The following AASDH variants were observed in gnomAD, a reference collection of about 807,000 sequenced individuals.
AASDH encodes the protein aminoadipate-semialdehyde dehydrogenase, also known as beta-alanine-activating enzyme.
AASDH carries 81 observed loss-of-function variants against 102.3 expected under a neutral mutation model. The observed-to-expected ratio is 0.79, with a 90% CI of 0.66 to 0.95. AASDH has a LOEUF of 0.95. Among genes scored for constraint, AASDH ranks in the 40% least tolerant of loss-of-function variants. AASDH has a pLI of 0.00. For missense variants in AASDH, 1,203 were observed against 1,266.2 expected (o/e 0.95, Z 0.76); for synonymous variants, 398 against 454.0 (o/e 0.88, Z 1.57).
intron 5 of AASDH, among the ~76,000 whole-genome samples, chr4:56,362,069 G>C (rs1578010793): frequency 6.6e-6 from 1 of 152,260 alleles, no homozygotes; most frequent in East Asian, 1.9e-4. Flanking sequence ...TTAGGTTTGT[G>C]ATAAACCAAA....
rs762319660 is a variant in AASDH at position 56,349,539 on chromosome 4, C to G, written c.2212G>C (p.Ala738Pro). ...GGTTTCCCCTCTTCAGAAACTTTTG[C>G]AACACAGGATGGATCTTTTGACTTC... ...IGKSKDPSCVAKVSEEGKPAI... is the reference protein window; with the variant it reads ...IGKSKDPSCVPKVSEEGKPAI... Residue 738 changes from alanine to proline, a missense_variant, in exon 11 of 15, where the codon GCA becomes CCA. Physicochemically the swap from Ala to Pro is conservative, Grantham distance 27 (BLOSUM62 -1). Transcript: ENST00000205214. 9 of 1,614,050 alleles carry G rather than the reference C, an allele frequency of 5.6e-6. No individual in the cohort carries two copies. Among genetic ancestry groups the G allele is most frequent in the Non-Finnish European group, 7.6e-6 (9 of 1,180,032 alleles).
chr4:56,340,569 A>G (rs1022384896), intron 14 of AASDH, among the ~76,000 whole-genome samples: 7 of 152,350 alleles, frequency 4.6e-5, no homozygotes, highest in East Asian at 1.9e-4. Context: ...AAAACTAGTT[A>G]AAACTACTAG....
chr4:56,369,061 TC>T (rs768287191), intron 5 of AASDH, among the ~76,000 whole-genome samples: 1 of 152,152 alleles, frequency 6.6e-6, no homozygotes, highest in Non-Finnish European at 1.5e-5. Context: ...CTGATGACAT[TC>T]CCAATAACTA....
Position 56,342,877 on chromosome 4 carries a change from A to G in AASDH, c.2865T>C (p.Cys955=), listed in dbSNP as rs1323982946. 1 of 1,563,340 alleles carries G rather than the reference A, an allele frequency of 6.4e-7. No individual in the cohort carries two copies. The highest frequency in any genetic ancestry group is 8.7e-7 in the Non-Finnish European group (1 of 1,153,566). Reference sequence around the variant, plus strand: ...TAAAGCAGAGTAAATTCCCATCTACACAGCCAATACAAATATACTGTGAGC... The same window carrying G: ...TAAAGCAGAGTAAATTCCCATCTACGCAGCCAATACAAATATACTGTGAGC... ...QCCSQYICIG[C]VDGNLLCFTH... is the part of the protein sequence containing the mutation. Residue 955 remains cysteine, a synonymous_variant, in exon 14 of 15, where the codon TGT becomes TGC. Transcript: ENST00000205214.
chr4:56,385,288 C>G (rs1483568854), intron 1 of AASDH, among the ~76,000 whole-genome samples: 1 of 152,070 alleles, frequency 6.6e-6, no homozygotes, highest in Non-Finnish European at 1.5e-5. Flanking sequence ...AGAAGTCATA[C>G]TTGTATAATT....
rs1400410948 is a variant in AASDH, at chr4:56,349,266, C to G, written c.2485G>C (p.Val829Leu). 1 of 1,613,794 alleles carries G rather than the reference C, an allele frequency of 6.2e-7. No homozygotes were observed. Among genetic ancestry groups the G allele is most frequent in the South Asian group, 1.1e-5 (1 of 90,976 alleles). ...CVSKCGNFIV[V>L]GCYNGLVYVL... ...AACCTCAAATTCAAAAACTTACCCA[C>G]CACAATAAAGTTTCCACACTTAGAT... The change falls in exon 11 of 15, where the codon GTG becomes CTG. Residue 829 changes from valine (V) to leucine (L), a missense_variant. Physicochemically the swap from Val to Leu is conservative, Grantham distance 32. Coordinates refer to ENST00000205214, the MANE Select transcript of AASDH (RefSeq NM_181806.4).
rs776664368 is a variant in AASDH, at chr4:56,351,364, T to C, written c.1670A>G (p.Glu557Gly). The C allele has an allele frequency of 1.9e-6, 3 of 1,588,680 alleles. No individual in the cohort carries two copies. Among genetic ancestry groups the C allele is most frequent in the African/African-American group, 2.7e-5 (2 of 74,052 alleles). ...TACCTTCCACAAATACTGTAATTTT[T>C]CCCAAAGGTCCTCTTTCCCACTGAG... The part of the protein sequence containing the change: ...NKLSGKEDLW[E>G]KLQYLWKSTL... Residue 557 changes from glutamate (E) to glycine (G), a missense_variant, in exon 10 of 15, where the codon GAA becomes GGA. Glu to Gly is a moderately conservative substitution (Grantham distance 98, BLOSUM62 -2). Transcript: ENST00000205214.
intron 4 of AASDH, among the ~76,000 whole-genome samples, chr4:56,377,054 G>A (rs973242034): frequency 3.1e-5 from 4 of 129,878 alleles, no homozygotes; most frequent in Middle Eastern, 4.0e-3. Context: ...GCGACAGAGC[G>A]AGACTCCGTC....
rs541811269 is a variant in AASDH, at chr4:56,349,885, A to T, written c.1866T>A (p.Ile622=). 95 of 1,614,068 alleles carry T rather than the reference A, an allele frequency of 5.9e-5. 1 individual carries two copies. In the South Asian group the frequency reaches 9.7e-4, roughly 16 times the overall value. The part of the protein sequence containing the change: ...EIILSSSILE[I]YNHILQTVVP... ...CCACTGTTTGAAGGATGTGATTATA[A>T]ATCTCTAAAATGGAACTGCTGAGAA... Residue 622 remains isoleucine, a synonymous_variant, in exon 11 of 15, where the codon ATT becomes ATA. Transcript: ENST00000205214.
intron 4 of AASDH, 27 bp downstream of exon 4, chr4:56,378,121 G>A: frequency 1.3e-6 from 2 of 1,559,276 alleles, no homozygotes; most frequent in African/African-American, 1.4e-5. Context: ...TATAGATTCT[G>A]AGAAAGAGTC....
chr4:56,382,407 A>T, intron 3 of AASDH, 70 bp downstream of exon 3: 1 of 1,399,192 alleles, frequency 7.1e-7, no homozygotes, highest in Non-Finnish European at 9.8e-7. Context: ...TCCAGATGGG[A>T]GAAGGAAGGA....
At chr4:56,368,189 G>C (rs560497229) in intron 5 of AASDH, among the ~76,000 whole-genome samples, 2 of 152,328 alleles carry the variant, frequency 1.3e-5, no homozygotes, top group South Asian at 4.1e-4. Flanking sequence ...TCACTAGTTA[G>C]AATGGCGATC....
At position 56,345,309 on chromosome 4, in the gene AASDH, C is replaced by G. The variant is rs1158267469; in HGVS notation, c.2489-19G>C. 4.4e-6 allele frequency: 7 copies of G among 1,603,368 alleles called. No individual in the cohort carries two copies. Among genetic ancestry groups the G allele is most frequent in the Non-Finnish European group, 6.0e-6 (7 of 1,170,940 alleles). On this transcript the variant is annotated intron_variant, in intron 11 of 14. Coordinates refer to ENST00000205214, the MANE Select transcript of AASDH (RefSeq NM_181806.4). ...TAACAGCCTACCAAGAAACAAAGCA[C>G]AAAAGATTTGATATAGATATATTAC... is the stretch of plus-strand genomic sequence containing the variant.
rs1048705434 is a variant in AASDH at position 56,351,286 on chromosome 4, C to T, written c.1692+56G>A. 3.5e-6 allele frequency: 4 copies of T among 1,133,656 alleles called. No homozygotes were observed. In the African/African-American group the frequency reaches 4.8e-5, roughly 14 times the overall value. 70.2% of individuals were successfully genotyped at this position (1,133,656 alleles called of 1,614,324 possible). ...CAACTTGTTAGGATAATAGCAGTCC[C>T]TAAAGATATAAAACGACCTCTTTAT... On this transcript the variant is annotated intron_variant, in intron 10 of 14. Transcript: ENST00000205214.
intron 5 of AASDH, among the ~76,000 whole-genome samples, chr4:56,360,013 T>C (rs919136189): frequency 6.6e-6 from 1 of 152,188 alleles, no homozygotes; most frequent in African/African-American, 2.4e-5. Context: ...TGAAGTTTAA[T>C]TCAGAAAAAT....
chr4:56,382,494 C>A lies in AASDH; in HGVS notation c.334G>T (p.Glu112Ter). 1 of 1,579,342 alleles carries A rather than the reference C, an allele frequency of 6.3e-7. No homozygotes were observed. The highest frequency in any genetic ancestry group is 8.7e-7 in the Non-Finnish European group (1 of 1,155,220). Reference sequence around the variant, plus strand: ...AGACTTACATTAATTTGTTTTTTTTCAACAAGGATATACTTTAGATTACAT... The same window carrying A: ...AGACTTACATTAATTTGTTTTTTTTAAACAAGGATATACTTTAGATTACAT... ...KKCNLKYILV[E>*]KKQINKFKSF... Residue 112 changes from glutamate (E) to a stop codon, truncating the protein, a stop_gained, in exon 3 of 15, where the codon GAA becomes TAA. Coordinates refer to ENST00000205214, the MANE Select transcript of AASDH (RefSeq NM_181806.4). LOFTEE classifies it high-confidence loss of function.
intron 5 of AASDH, among the ~76,000 whole-genome samples, chr4:56,368,105 A>G (rs1486850297): frequency 3.0e-3 from 458 of 152,328 alleles, no homozygotes; most frequent in African/African-American, 0.01. Flanking sequence ...GCAGCCAAAA[A>G]ACACATGAAA....
chr4:56,343,463 C>A, intron 13 of AASDH, 99 bp downstream of exon 13: 1 of 927,362 alleles, frequency 1.1e-6, no homozygotes. Context: ...TGGACTACTA[C>A]AATTAACTGA....
intron 14 of AASDH, 33 bp from the exon 15 acceptor site, chr4:56,338,824 T>TTCA (rs1192990910): frequency 6.3e-7 from 1 of 1,576,062 alleles, no homozygotes; most frequent in Non-Finnish European, 8.6e-7. Flanking sequence ...ATATAATTCA[T>TTCA]TCATCTAATT....
Sources: allele counts gnomAD v4.1 joint callset (sites outside exome capture counted in the v4.1 genomes callset), GRCh38; gene constraint gnomAD v4.1.1; transcripts MANE v1.5; gene names NCBI Gene and HGNC (gene_info 2026-07-23, HGNC 2026-07-21).